The following SLC24A2 variants were observed in gnomAD, a reference collection of about 807,000 sequenced individuals.
The protein encoded by SLC24A2 is solute carrier family 24 member 2.
Under a neutral mutation model 62.0 loss-of-function variants are expected in SLC24A2, and 36 were observed. That is an observed-to-expected ratio of 0.58 (90% CI 0.44 to 0.77). The LOEUF (loss-of-function observed/expected upper bound fraction) is 0.77. Among genes scored for constraint, SLC24A2 ranks in the 30% least tolerant of loss-of-function variants. The pLI, the probability that SLC24A2 is intolerant of heterozygous loss-of-function variation, is 0.00. For synonymous variants in SLC24A2, 358 were observed against 294.0 expected, an observed-to-expected ratio of 1.22 and a Z score of -2.23; for missense variants, 846 against 817.9, an observed-to-expected ratio of 1.03 and a Z score of -0.42.
the SLC24A2 span, among the ~76,000 whole-genome samples, chr9:19,976,039 G>A: frequency 1.3e-5 from 2 of 152,054 alleles, no homozygotes; most frequent in Non-Finnish European, 2.9e-5. Context: ...ACCACACCCA[G>A]CTAATTTTTA....
intron 2 of SLC24A2, among the ~76,000 whole-genome samples, chr9:19,697,395 G>A (rs1038560321): frequency 6.6e-6 from 1 of 151,914 alleles, no homozygotes; most frequent in Non-Finnish European, 1.5e-5. Context: ...GCTTACCTAC[G>A]AAACAAACCT....
At chr9:19,881,255 A>G in the SLC24A2 span, among the ~76,000 whole-genome samples, 1 of 152,180 alleles carries the variant, frequency 6.6e-6, no homozygotes, top group African/African-American at 2.4e-5. Context: ...GGAGGAGGGG[A>G]AGAGACTAGA....
intron 2 of SLC24A2, among the ~76,000 whole-genome samples, chr9:19,720,694 C>CCT (rs1554706065): frequency 5.1e-4 from 39 of 77,004 alleles, no homozygotes; most frequent in African/African-American, 1.7e-3. Flanking sequence ...TGACAACCCC[C>CCT]CCCCCCAAAA....
rs556388776 is a variant in SLC24A2 at position 19,546,736 on chromosome 9, A to G, written c.1479+3401T>C. 1.3e-4 allele frequency among the ~76,000 whole-genome samples: 18 copies of G among 139,654 alleles called. No individual in the cohort carries two copies. In the South Asian group the frequency reaches 2.2e-3, roughly 17 times the overall value. 91.6% of individuals were successfully genotyped at this position (139,654 alleles called of 152,430 possible). On this transcript the variant is annotated intron_variant, in intron 8 of 10. Coordinates refer to ENST00000341998, the MANE Select transcript of SLC24A2 (RefSeq NM_020344.4). ...TGTTCTGGCACCACTGAGGTATGGGAAAAAAAAAAACAACACAAAACTCCT... is the reference window on the plus strand; with the variant it reads ...TGTTCTGGCACCACTGAGGTATGGGGAAAAAAAAAACAACACAAAACTCCT...
chr9:19,569,135 G>C (rs1334618971), intron 7 of SLC24A2, among the ~76,000 whole-genome samples: 1 of 152,076 alleles, frequency 6.6e-6, no homozygotes, highest in African/African-American at 2.4e-5. Context: ...TCTGTAAAGG[G>C]CCAGATAGTA....
the SLC24A2 span, among the ~76,000 whole-genome samples, chr9:19,868,418 A>G: frequency 1.3e-5 from 2 of 152,190 alleles, no homozygotes; most frequent in Admixed American, 6.5e-5. Context: ...TTTATCCTGG[A>G]AAATCATCTT....
the SLC24A2 span, among the ~76,000 whole-genome samples, chr9:19,851,856 T>C: frequency 2.6e-5 from 4 of 152,200 alleles, no homozygotes; most frequent in Non-Finnish European, 5.9e-5. Flanking sequence ...AGTAATGGAA[T>C]TGCTGGGTCA....
chr9:20,090,495 G>A, the SLC24A2 span, among the ~76,000 whole-genome samples: 16 of 152,176 alleles, frequency 1.1e-4, no homozygotes, highest in Admixed American at 9.8e-4. Flanking sequence ...GGGTATAGGG[G>A]AGCCCCACGC....
intron 2 of SLC24A2, among the ~76,000 whole-genome samples, chr9:19,774,440 C>T (rs575092017): frequency 1.8e-4 from 28 of 152,202 alleles, no homozygotes; most frequent in African/African-American, 6.0e-4. Context: ...CATCATCGGC[C>T]GTCTCGGAAA....
At chr9:20,213,657 G>A in the SLC24A2 span, among the ~76,000 whole-genome samples, 1 of 152,076 alleles carries the variant, frequency 6.6e-6, no homozygotes, top group Admixed American at 6.5e-5. Flanking sequence ...ATAATACTCT[G>A]TACAATTTTG....
intron 4 of SLC24A2, among the ~76,000 whole-genome samples, chr9:19,615,965 G>T (rs1366257969): frequency 6.7e-6 from 1 of 149,798 alleles, no homozygotes; most frequent in Non-Finnish European, 1.5e-5. Context: ...GAGACCTGTG[G>T]GCAAGGACAT....
chr9:19,858,214 A>G, the SLC24A2 span, among the ~76,000 whole-genome samples: 6 of 152,294 alleles, frequency 3.9e-5, no homozygotes, highest in Admixed American at 2.0e-4. Context: ...ACACACAGCC[A>G]TCTAATCTTT....
At chr9:19,686,262 T>C (rs141172014) in intron 2 of SLC24A2, among the ~76,000 whole-genome samples, 490 of 152,118 alleles carry the variant, frequency 3.2e-3, no homozygotes, top group African/African-American at 0.011. Flanking sequence ...AAAAATAACA[T>C]GCTGGTGAGG....
At chr9:20,180,750 G>A in the SLC24A2 span, among the ~76,000 whole-genome samples, 2 of 152,170 alleles carry the variant, frequency 1.3e-5, no homozygotes, top group South Asian at 4.1e-4. Flanking sequence ...AAACCTCCAA[G>A]CCATGTAGGT....
the SLC24A2 span, among the ~76,000 whole-genome samples, chr9:20,068,316 C>A: frequency 5.3e-5 from 8 of 152,006 alleles, no homozygotes; most frequent in Non-Finnish European, 1.2e-4. Context: ...CCTGCCTTGG[C>A]CTCCCAAAGT....
At chr9:19,998,214 C>G in the SLC24A2 span, among the ~76,000 whole-genome samples, 1 of 152,092 alleles carries the variant, frequency 6.6e-6, no homozygotes, top group Non-Finnish European at 1.5e-5. Context: ...CATGGCAGGG[C>G]TAGGATTCAA....
chr9:19,689,605 T>A (rs1001706433), intron 2 of SLC24A2, among the ~76,000 whole-genome samples: 2 of 152,116 alleles, frequency 1.3e-5, no homozygotes, highest in Non-Finnish European at 2.9e-5. Context: ...CTTGTCAGTG[T>A]GGCACATCTA....
chr9:20,098,922 C>G, the SLC24A2 span, among the ~76,000 whole-genome samples: 1 of 152,198 alleles, frequency 6.6e-6, no homozygotes, highest in Non-Finnish European at 1.5e-5. Context: ...ATTTTAGACC[C>G]TGCTCTCCTT....
the SLC24A2 span, among the ~76,000 whole-genome samples, chr9:19,827,548 T>C: frequency 1.3e-5 from 2 of 152,142 alleles, no homozygotes; most frequent in Admixed American, 6.6e-5. Flanking sequence ...TCTTTGACTC[T>C]AAGATGTACA....
Sources: gnomAD v4.1 joint callset for allele counts (sites outside exome capture counted in the v4.1 genomes callset) on GRCh38, gnomAD v4.1.1 for gene constraint, MANE v1.5 for transcripts, NCBI Gene and HGNC (gene_info 2026-07-23, HGNC 2026-07-21) for gene names.